The following PPP2R2B variants were observed in gnomAD, a reference collection of about 807,000 sequenced individuals.
PPP2R2B encodes the protein protein phosphatase 2 regulatory subunit Bbeta.
In PPP2R2B, 5 loss-of-function variants were observed where a neutral mutation model predicts 46.0. The ratio of observed to expected loss-of-function variants is 0.11; its 90% confidence interval spans 0.06 to 0.23. PPP2R2B has a LOEUF of 0.23. Among genes scored for constraint, PPP2R2B ranks in the 10% least tolerant of loss-of-function variants. The pLI is 1.00. For synonymous variants in PPP2R2B, 215 were observed against 206.7 expected, an observed-to-expected ratio of 1.04 and a Z score of -0.34; for missense variants, 367 against 575.0, an observed-to-expected ratio of 0.64 and a Z score of 3.70.
intron 2 of PPP2R2B, among the ~76,000 whole-genome samples, chr5:146,838,723 T>C (rs575350724): frequency 4.8e-4 from 73 of 152,312 alleles, no homozygotes; most frequent in Non-Finnish European, 9.7e-4. Flanking sequence ...TGCTAACACA[T>C]TAATGATTAA....
intron 2 of PPP2R2B, among the ~76,000 whole-genome samples, chr5:146,853,803 C>T (rs1760489253): frequency 6.6e-6 from 1 of 151,946 alleles, no homozygotes; most frequent in African/African-American, 2.4e-5. Flanking sequence ...TGGGACTAAC[C>T]ATCATCTTGA....
chr5:146,591,152 G>A (rs1042425598), intron 9 of PPP2R2B, among the ~76,000 whole-genome samples: 1 of 152,060 alleles, frequency 6.6e-6, no homozygotes, highest in Non-Finnish European at 1.5e-5. Context: ...CCTGGAGTGG[G>A]GGGCTCCTAC....
chr5:146,776,160 G>C (rs1755168923), intron 2 of PPP2R2B, among the ~76,000 whole-genome samples: 1 of 152,022 alleles, frequency 6.6e-6, no homozygotes, highest in South Asian at 2.1e-4. Flanking sequence ...AATTCATATG[G>C]AATTTCAGAG....
At chr5:147,019,839 G>A (rs769607448) in intron 1 of PPP2R2B, among the ~76,000 whole-genome samples, 13 of 152,224 alleles carry the variant, frequency 8.5e-5, no homozygotes, top group Non-Finnish European at 1.3e-4. Flanking sequence ...CTCAGCCTCC[G>A]AGGCTAGATC....
At chr5:146,923,029 T>A (rs1488012182) in intron 1 of PPP2R2B, among the ~76,000 whole-genome samples, 1 of 152,176 alleles carries the variant, frequency 6.6e-6, no homozygotes, top group African/African-American at 2.4e-5. Flanking sequence ...TGGAAAAAAG[T>A]ATTTCATTTG....
intron 7 of PPP2R2B, 70 bp from the exon 8 acceptor site, chr5:146,600,530 G>A: frequency 6.7e-7 from 1 of 1,482,974 alleles, no homozygotes; most frequent in East Asian, 2.3e-5. Flanking sequence ...GTTTGGACTG[G>A]CTAGGAAGCT....
chr5:146,766,874 T>G (rs1394728687), intron 2 of PPP2R2B, among the ~76,000 whole-genome samples: 1 of 151,688 alleles, frequency 6.6e-6, no homozygotes, highest in Non-Finnish European at 1.5e-5. Context: ...GCCAATATGG[T>G]GAAACCCCGT....
At chr5:147,080,094 A>G (rs1757930373) in intron 2 of PPP2R2B, among the ~76,000 whole-genome samples, 1 of 152,214 alleles carries the variant, frequency 6.6e-6, no homozygotes. Context: ...AAGGAATTAT[A>G]GCAAGATTTT....
chr5:146,984,101 A>T lies in PPP2R2B; in HGVS notation c.79+71564T>A, dbSNP rs535840717. On this transcript the variant is annotated intron_variant, in intron 1 of 8. Transcript: ENST00000336640. ...TCATTTTCATAATGAGGACATTTGA[A>T]ATTTACTCTCTTGGCAATTTTGAAA... 7.2e-5 allele frequency among the ~76,000 whole-genome samples: 11 copies of T among 152,332 alleles called. No homozygotes were observed. The East Asian group carries it at 2.1e-3, about 29-fold the overall frequency.
intron 1 of PPP2R2B, among the ~76,000 whole-genome samples, chr5:146,991,060 A>AC (rs1430126896): frequency 6.6e-6 from 1 of 152,078 alleles, no homozygotes; most frequent in Non-Finnish European, 1.5e-5. Flanking sequence ...CATTAAAAAG[A>AC]TAAAAAAAAC....
intron 1 of PPP2R2B, among the ~76,000 whole-genome samples, chr5:146,934,583 G>GAAAAAAAAA (rs3062352): frequency 2.9e-4 from 9 of 31,486 alleles, no homozygotes; most frequent in Non-Finnish European, 5.2e-4. Flanking sequence ...TTTTTCATAA[G>GAAAAAAAAA]AAAAAAAAAA....
At chr5:146,855,646 A>G (rs1469402063) in intron 2 of PPP2R2B, among the ~76,000 whole-genome samples, 1 of 151,860 alleles carries the variant, frequency 6.6e-6, no homozygotes, top group East Asian at 1.9e-4. Flanking sequence ...TGAATGTTGT[A>G]CTCTTTGATC....
At chr5:146,945,901 C>T (rs1764464996) in intron 1 of PPP2R2B, among the ~76,000 whole-genome samples, 1 of 152,110 alleles carries the variant, frequency 6.6e-6, no homozygotes, top group African/African-American at 2.4e-5. Flanking sequence ...CTATGGACCC[C>T]TGCCTAATGG....
intron 1 of PPP2R2B, among the ~76,000 whole-genome samples, chr5:147,041,313 T>A (rs1756285948): frequency 6.6e-6 from 1 of 152,218 alleles, no homozygotes; most frequent in Non-Finnish European, 1.5e-5. Flanking sequence ...AAAATAGCTC[T>A]GTTCACAGGC....
chr5:146,692,093 C>T (rs1359468048), intron 4 of PPP2R2B, among the ~76,000 whole-genome samples: 2 of 152,154 alleles, frequency 1.3e-5, no homozygotes, highest in Non-Finnish European at 2.9e-5. Context: ...TTGTTGAAGG[C>T]AGGGATTCTA....
chr5:146,854,158 T>C (rs572791915), intron 2 of PPP2R2B, among the ~76,000 whole-genome samples: 6 of 152,230 alleles, frequency 3.9e-5, no homozygotes, highest in African/African-American at 1.4e-4. Context: ...TCATTCCCAA[T>C]CTGCTGACAC....
At chr5:146,768,386 G>A (rs937607054) in intron 2 of PPP2R2B, among the ~76,000 whole-genome samples, 1 of 152,054 alleles carries the variant, frequency 6.6e-6, no homozygotes, top group Non-Finnish European at 1.5e-5. Context: ...TAATTTTGTT[G>A]TAGCCAATGC....
intron 5 of PPP2R2B, among the ~76,000 whole-genome samples, chr5:146,676,218 A>G (rs7706775): frequency 0.23 from 34,756 of 152,046 alleles, 5,382 homozygotes; most frequent in African/African-American, 0.42. Flanking sequence ...TCCTGTCTTC[A>G]GTGCAGAACA....
chr5:146,650,360 A>T (rs1180569801), intron 6 of PPP2R2B, among the ~76,000 whole-genome samples, 187 bp downstream of exon 6: 1 of 152,198 alleles, frequency 6.6e-6, no homozygotes, highest in Admixed American at 6.5e-5. Context: ...CCCACTTGTA[A>T]TAACAATATT....
Sources: allele counts gnomAD v4.1 joint callset (sites outside exome capture counted in the v4.1 genomes callset), GRCh38; gene constraint gnomAD v4.1.1; transcripts MANE v1.5; gene names NCBI Gene and HGNC (gene_info 2026-07-23, HGNC 2026-07-21).